Variants in SCAMP5 observed in about 807,000 individuals in gnomAD.
The protein encoded by SCAMP5 is secretory carrier membrane protein 5.
Under a neutral mutation model 28.3 loss-of-function variants are expected in SCAMP5, and 7 were observed. That is an observed-to-expected ratio of 0.25 (90% CI 0.14 to 0.46). The LOEUF (loss-of-function observed/expected upper bound fraction) is 0.46, where lower values mean the gene tolerates loss of function less well. Ranked by LOEUF, SCAMP5 falls within the 20% of genes least tolerant of loss-of-function variation. The pLI, the probability that SCAMP5 is intolerant of heterozygous loss-of-function variation, is 0.99. For missense variants in SCAMP5, 192 were observed against 312.5 expected, an observed-to-expected ratio of 0.61 and a Z score of 2.91; for synonymous variants, 117 against 116.4, an observed-to-expected ratio of 1.00 and a Z score of -0.03.
At chr15:75,001,257 A>ACAGCGAGAC (rs1278666793) in intron 1 of SCAMP5, among the ~76,000 whole-genome samples, 3 of 141,882 alleles carry the variant, frequency 2.1e-5, no homozygotes, top group Non-Finnish European at 4.5e-5. Context: ...CCTGGGCGAC[A>ACAGCGAGAC]CAGCGAGACT....
At chr15:75,003,076 G>T (rs1013685606) in intron 1 of SCAMP5, among the ~76,000 whole-genome samples, 2 of 152,022 alleles carry the variant, frequency 1.3e-5, no homozygotes, top group African/African-American at 4.8e-5. Flanking sequence ...GATTACAGGC[G>T]CACGCCGTCA....
chr15:75,003,842 C>T (rs945974153), intron 1 of SCAMP5, among the ~76,000 whole-genome samples: 2 of 151,830 alleles, frequency 1.3e-5, no homozygotes, highest in African/African-American at 2.4e-5. Flanking sequence ...ATGCAGTGAA[C>T]AACTGTATAC....
rs892444029 is a variant in SCAMP5, at chr15:74,995,676, G to A, written c.-49+3G>A. ...CGGCAGCCGAACGGCCGCGGCAGGT[G>A]AGTCTGGGCATGAAGGCTGGGAGGA... On this transcript the variant is annotated splice_donor_region_variant and intron_variant, in intron 1 of 6. Coordinates refer to ENST00000425597, the MANE Select transcript of SCAMP5 (RefSeq NM_138967.4). 10 of 151,748 alleles carry A rather than the reference G, an allele frequency of 6.6e-5. No individual in the cohort carries two copies. Among genetic ancestry groups the A allele is most frequent in the Non-Finnish European group, 1.2e-4 (8 of 67,924 alleles). 9.4% of individuals were successfully genotyped at this position (151,748 alleles called of 1,614,324 possible).
Position 75,019,020 on chromosome 15 carries a change from T to C in SCAMP5, c.*37T>C, listed in dbSNP as rs755911954. ...CTACCAGGTGGCAGAGCTGGGGCCA[T>C]TGGGACAGGGGGCTCAAGCCACATC... On this transcript the variant is annotated 3_prime_UTR_variant, in exon 7 of 7. Coordinates refer to ENST00000425597, the MANE Select transcript of SCAMP5 (RefSeq NM_138967.4). 22 of 1,415,120 alleles carry C rather than the reference T, an allele frequency of 1.6e-5. No homozygotes were observed. In the South Asian group the frequency reaches 2.4e-4, roughly 16 times the overall value. 87.7% of individuals were successfully genotyped at this position (1,415,120 alleles called of 1,614,324 possible).
At chr15:75,016,866 C>G in intron 4 of SCAMP5, 117 bp downstream of exon 4, 1 of 971,080 alleles carries the variant, frequency 1.0e-6, no homozygotes, top group Non-Finnish European at 1.5e-6. Flanking sequence ...AACTCACTTT[C>G]CCTTGCTCAC....
chr15:75,006,595 G>A (rs983233928), intron 1 of SCAMP5, among the ~76,000 whole-genome samples: 4 of 152,044 alleles, frequency 2.6e-5, no homozygotes, highest in African/African-American at 9.7e-5. Context: ...AGACTATCCT[G>A]GCTAACACGG....
rs143302497 is a variant in SCAMP5, at chr15:75,019,406, C to T, written c.*423C>T. ...AGGGGAGGCATAGCAGAAAGACTGG[C>T]CCCTTCCTAGGGTTATGAGCTGGAA... is the stretch of plus-strand genomic sequence containing the variant. On this transcript the variant is annotated 3_prime_UTR_variant, in exon 7 of 7. Transcript: ENST00000425597. The T allele has an allele frequency of 2.0e-3, 310 of 153,378 alleles. 1 individual carries two copies. The highest frequency in any genetic ancestry group is 3.0e-3 in the Admixed American group (46 of 15,298). The allele number at this position is 153,378 out of a possible 1,614,324, so 9.5% of individuals were successfully genotyped here.
chr15:75,005,968 C>T lies in SCAMP5; in HGVS notation c.-48-5824C>T, dbSNP rs1036324846. On this transcript the variant is annotated intron_variant, in intron 1 of 6. Coordinates refer to ENST00000425597, the MANE Select transcript of SCAMP5 (RefSeq NM_138967.4). ...CTGGAACTCCTGACCTCAAGTGATC[C>T]GCCTCGGCCTCCCTTTTTTTTTTTT... Among the ~76,000 whole-genome samples the T allele has an allele frequency of 1.2e-4, 17 of 147,624 alleles. 1 individual carries two copies. The South Asian group carries it at 2.0e-3, about 17-fold the overall frequency.
chr15:75,016,856 A>G (rs1229025782), intron 4 of SCAMP5, 107 bp downstream of exon 4: 23 of 1,038,902 alleles, frequency 2.2e-5, no homozygotes, highest in Admixed American at 2.7e-5. Context: ...CCCTCCCCCA[A>G]ACTCACTTTC....
intron 1 of SCAMP5, 117 bp from the exon 2 acceptor site, chr15:75,011,675 G>A: frequency 2.1e-6 from 1 of 472,320 alleles, no homozygotes; most frequent in Non-Finnish European, 3.9e-6. Flanking sequence ...TCACGGCACT[G>A]TGGGAGTATG....
chr15:75,007,873 A>AT (rs2065775093), intron 1 of SCAMP5: 1 of 151,948 alleles, frequency 6.6e-6, no homozygotes, highest in South Asian at 2.1e-4. Flanking sequence ...CCATGTTTGT[A>AT]TTTTTTGTAG....
At chr15:75,000,891 G>A (rs1327810071) in intron 1 of SCAMP5, among the ~76,000 whole-genome samples, 2 of 151,742 alleles carry the variant, frequency 1.3e-5, no homozygotes, top group Admixed American at 6.6e-5. Context: ...TAAGTATGCC[G>A]TGCTATTGCT....
At chr15:75,014,344 A>G (rs1459813106) in intron 3 of SCAMP5, among the ~76,000 whole-genome samples, 2 of 151,054 alleles carry the variant, frequency 1.3e-5, no homozygotes, top group Middle Eastern at 3.6e-3. Context: ...GTAAGTCTGT[A>G]GATGTTGGGA....
intron 1 of SCAMP5, among the ~76,000 whole-genome samples, chr15:75,005,029 G>T (rs2065743095): frequency 1.3e-5 from 2 of 152,128 alleles, no homozygotes; most frequent in South Asian, 4.1e-4. Context: ...ACAAAAATTA[G>T]CTGGGTGTGG....
chr15:75,001,130 C>T (rs1456698409), intron 1 of SCAMP5, among the ~76,000 whole-genome samples: 1 of 151,522 alleles, frequency 6.6e-6, no homozygotes, highest in Non-Finnish European at 1.5e-5. Flanking sequence ...CAAAATTAGC[C>T]GGGGGTGGTG....
chr15:75,008,751 C>T (rs576436738), intron 1 of SCAMP5, among the ~76,000 whole-genome samples: 1 of 152,290 alleles, frequency 6.6e-6, no homozygotes, highest in South Asian at 2.1e-4. Flanking sequence ...ATCCTCCTGC[C>T]TTCGCCTCTG....
intron 3 of SCAMP5, 83 bp downstream of exon 3, chr15:75,012,888 C>T: frequency 7.3e-7 from 1 of 1,377,328 alleles, no homozygotes; most frequent in Non-Finnish European, 1.0e-6. Flanking sequence ...GGTGGGGTGC[C>T]CACAGGCCTG....
chr15:75,008,525 G>T (rs1284010073), intron 1 of SCAMP5, among the ~76,000 whole-genome samples: 1 of 141,550 alleles, frequency 7.1e-6, no homozygotes. Flanking sequence ...TTTGAGACAT[G>T]GTTTCACTCT....
At chr15:75,015,803 G>T (rs2065853931) in intron 3 of SCAMP5, among the ~76,000 whole-genome samples, 1 of 151,780 alleles carries the variant, frequency 6.6e-6, no homozygotes, top group African/African-American at 2.4e-5. Context: ...GCAGGCACCT[G>T]TAATCCCAGC....
Sources: gnomAD v4.1 joint callset for allele counts (sites outside exome capture counted in the v4.1 genomes callset) on GRCh38, gnomAD v4.1.1 for gene constraint, MANE v1.5 for transcripts, NCBI Gene and HGNC (gene_info 2026-07-23, HGNC 2026-07-21) for gene names.